SERPINA6: variants seen among roughly 807,000 people sequenced by gnomAD.
SERPINA6 encodes serpin family A member 6.
Under a neutral mutation model 26.4 loss-of-function variants are expected in SERPINA6, and 19 were observed. That is an observed-to-expected ratio of 0.72 (90% CI 0.50 to 1.06). The LOEUF is 1.06. Among genes scored for constraint, SERPINA6 ranks in the 50% least tolerant of loss-of-function variants. The pLI, the probability that SERPINA6 is intolerant of heterozygous loss-of-function variation, is 0.00. For missense variants in SERPINA6, 473 were observed against 504.0 expected, an observed-to-expected ratio of 0.94 and a Z score of 0.59; for synonymous variants, 196 against 199.4, an observed-to-expected ratio of 0.98 and a Z score of 0.14.
In SERPINA6 at chr14:94,305,969, C is replaced by T. The variant is rs143449215; in HGVS notation, c.1032+102G>A. Reference sequence around the variant, plus strand: ...CAACCTGGGGTTCTCAGCCAGGGACCTAGAGGCTCATTCATGAACGAACTC... The same window carrying T: ...CAACCTGGGGTTCTCAGCCAGGGACTTAGAGGCTCATTCATGAACGAACTC... On this transcript the variant is annotated intron_variant, in intron 4 of 4. Coordinates refer to ENST00000341584, the MANE Select transcript of SERPINA6 (RefSeq NM_001756.4). 4,339 of 1,378,352 alleles carry T rather than the reference C, an allele frequency of 3.1e-3. 10 individuals are homozygous for T. Among genetic ancestry groups the T allele is most frequent in the Non-Finnish European group, 4.0e-3 (3,914 of 976,168 alleles). The allele number at this position is 1,378,352 out of a possible 1,614,324, so 85.4% of individuals were successfully genotyped here.
At chr14:94,312,552 GA>G (rs1895547142) in intron 2 of SERPINA6, among the ~76,000 whole-genome samples, 1 of 152,206 alleles carries the variant, frequency 6.6e-6, no homozygotes, top group Non-Finnish European at 1.5e-5. Flanking sequence ...GAATTTGTGG[GA>G]GCACACAGAA....
chr14:94,309,521 C>T (rs1179168454), intron 3 of SERPINA6, among the ~76,000 whole-genome samples: 1 of 152,178 alleles, frequency 6.6e-6, no homozygotes, highest in East Asian at 1.9e-4. Flanking sequence ...TGAAATGCCC[C>T]AAAGTATTTC....
In SERPINA6 at chr14:94,314,191, G is replaced by A. The variant is rs141500229; in HGVS notation, c.458C>T (p.Ser153Leu). 19 of 1,614,076 alleles carry A rather than the reference G, an allele frequency of 1.2e-5. No homozygotes were observed. In the African/African-American group the frequency reaches 2.5e-4, roughly 22 times the overall value. The change falls in exon 2 of 5, where the codon TCA becomes TTA. Residue 153 changes from serine to leucine, a missense_variant. Physicochemically the swap from Ser to Leu is moderately radical, Grantham distance 145. Transcript: ENST00000341584. ...CTGGAAATTCATAGCCAAGACCTCT[G>A]ACTCATAGTAGTGCTTGATGTCTGC... ...FSADIKHYYE[S>L]EVLAMNFQDW...
At chr14:94,312,559 C>A (rs1164706735) in intron 2 of SERPINA6, among the ~76,000 whole-genome samples, 1 of 152,254 alleles carries the variant, frequency 6.6e-6, no homozygotes, top group African/African-American at 2.4e-5. Flanking sequence ...TGGGAGCACA[C>A]AGAAGAGTTT....
chr14:94,320,093 T>C (rs1895663425), intron 1 of SERPINA6, among the ~76,000 whole-genome samples: 2 of 152,284 alleles, frequency 1.3e-5, no homozygotes, highest in South Asian at 4.1e-4. Context: ...TTTCAGGCCC[T>C]GTGCTGTGTG....
chr14:94,310,136 G>T (rs1362901819), intron 2 of SERPINA6, 130 bp from the exon 3 acceptor site: 5 of 891,266 alleles, frequency 5.6e-6, no homozygotes, highest in South Asian at 2.9e-5. Context: ...AAGCCTCAAG[G>T]GTTTTTAGGT....
chr14:94,314,625 A>G lies in SERPINA6; in HGVS notation c.24T>C (p.Cys8=), dbSNP rs1895587412. MPLLLYT[C]LLWLPTSGLW... ...GGCCGCTGGTGGGCAGCCAGAGAAG[A>G]CAGGTGTACAGGAGGAGTGGCATTG... The change falls in exon 2 of 5, where the codon TGT becomes TGC. Residue 8 remains cysteine (C), a synonymous_variant. Transcript: ENST00000341584. The G allele has an allele frequency of 6.2e-7, 1 of 1,613,934 alleles. No individual in the cohort carries two copies. The highest frequency in any genetic ancestry group is 2.2e-5 in the East Asian group (1 of 44,888).
chr14:94,306,039 G>C, intron 4 of SERPINA6, 32 bp downstream of exon 4: 1 of 1,613,184 alleles, frequency 6.2e-7, no homozygotes, highest in South Asian at 1.1e-5. Context: ...ATTTTGGAGG[G>C]GGAAGAAAAG....
intron 4 of SERPINA6, among the ~76,000 whole-genome samples, chr14:94,305,762 G>C (rs1895428283): frequency 6.6e-6 from 1 of 152,156 alleles, no homozygotes; most frequent in South Asian, 2.1e-4. Flanking sequence ...TTTGCCAGGG[G>C]CCACTCACAG....
chr14:94,314,772 TC>T (rs1297591699), intron 1 of SERPINA6, 105 bp from the exon 2 acceptor site: 1 of 1,044,084 alleles, frequency 9.6e-7, no homozygotes, highest in African/African-American at 1.6e-5. Context: ...CCCAGTTCCT[TC>T]CTCCACACTG....
chr14:94,317,817 A>G (rs1220583015), intron 1 of SERPINA6, among the ~76,000 whole-genome samples: 1 of 152,246 alleles, frequency 6.6e-6, no homozygotes, highest in African/African-American at 2.4e-5. Context: ...TGTTCTCACT[A>G]CTTTTACCTA....
At chr14:94,315,661 A>G (rs1348517102) in intron 1 of SERPINA6, among the ~76,000 whole-genome samples, 1 of 152,206 alleles carries the variant, frequency 6.6e-6, no homozygotes, top group African/African-American at 2.4e-5. Flanking sequence ...AAGTTACCCC[A>G]TGCAAATAGT....
At chr14:94,313,775 T>C (rs749074598) in intron 2 of SERPINA6, 2 of 614,896 alleles carry the variant, frequency 3.3e-6, no homozygotes, top group Non-Finnish European at 5.9e-6. Flanking sequence ...GCAGCCAGAC[T>C]GTTCATGGTT....
At chr14:94,322,025 G>A (rs1189806429) in intron 1 of SERPINA6, among the ~76,000 whole-genome samples, 1 of 152,152 alleles carries the variant, frequency 6.6e-6, no homozygotes, top group Non-Finnish European at 1.5e-5. Context: ...TCAGTGCTTG[G>A]CTTATGTGAC....
At chr14:94,309,258 C>T (rs995900812) in intron 3 of SERPINA6, among the ~76,000 whole-genome samples, 1 of 152,202 alleles carries the variant, frequency 6.6e-6, no homozygotes, top group Non-Finnish European at 1.5e-5. Context: ...GAGTTAGATG[C>T]CCTGAGTAAC....
intron 1 of SERPINA6, 191 bp from the exon 2 acceptor site, chr14:94,314,858 T>C (rs975979911): frequency 1.1e-5 from 7 of 632,300 alleles, no homozygotes; most frequent in Non-Finnish European, 2.0e-5. Context: ...ATAACAGCCG[T>C]TATGATTTAT....
intron 3 of SERPINA6, among the ~76,000 whole-genome samples, chr14:94,308,282 C>A (rs1895471830): frequency 6.6e-6 from 1 of 152,238 alleles, no homozygotes; most frequent in African/African-American, 2.4e-5. Context: ...CATTGTCGTA[C>A]CACTATTAAT....
chr14:94,314,673 A>C lies in SERPINA6; in HGVS notation c.-19-6T>G. The C allele has an allele frequency of 6.2e-7, 1 of 1,609,330 alleles. No individual in the cohort carries two copies. Among genetic ancestry groups the C allele is most frequent in the Non-Finnish European group, 8.5e-7 (1 of 1,179,918 alleles). On this transcript the variant is annotated splice_polypyrimidine_tract_variant and splice_region_variant and intron_variant, in intron 1 of 4. Transcript: ENST00000341584. ...TTGTCCAGTATAGCCAGGCCCTGCC[A>C]AATCAGAAAAGCTTGTTAGATGCTG...
At position 94,306,226 on chromosome 14, in the gene SERPINA6, G is replaced by A; in HGVS notation, c.885-8C>T. 1 of 1,614,098 alleles carries A rather than the reference G, an allele frequency of 6.2e-7. No homozygotes were observed. The highest frequency in any genetic ancestry group is 1.1e-5 in the South Asian group (1 of 91,068). ...ATGTACAGGTCCACCTGGCTGCTCGGGGTAAGCAGACAGAGTTAGACATTC... is the reference window on the plus strand; with the variant it reads ...ATGTACAGGTCCACCTGGCTGCTCGAGGTAAGCAGACAGAGTTAGACATTC... On this transcript the variant is annotated splice_polypyrimidine_tract_variant and splice_region_variant and intron_variant, in intron 3 of 4. Coordinates refer to ENST00000341584, the MANE Select transcript of SERPINA6 (RefSeq NM_001756.4).
Sources: allele counts gnomAD v4.1 joint callset (sites outside exome capture counted in the v4.1 genomes callset), GRCh38; gene constraint gnomAD v4.1.1; transcripts MANE v1.5; gene names NCBI Gene and HGNC (gene_info 2026-07-23, HGNC 2026-07-21).